Variants in CCR6 observed in about 807,000 individuals in gnomAD.
CCR6 encodes the protein C-C motif chemokine receptor 6, also known as C-C chemokine receptor type 6.
In CCR6, 2 loss-of-function variants were observed where a neutral mutation model predicts 3.0. The ratio of observed to expected loss-of-function variants is 0.66; its 90% CI spans 0.27 to 2.07. The LOEUF (loss-of-function observed/expected upper bound fraction) is 2.07, where lower values mean the gene tolerates loss of function less well. Among genes scored for constraint, CCR6 ranks in the 30% most tolerant of loss-of-function variants. The pLI is 0.14. For missense variants in CCR6, 322 were observed against 462.8 expected, an observed-to-expected ratio of 0.70 and a Z score of 2.79; for synonymous variants, 193 against 184.3, an observed-to-expected ratio of 1.05 and a Z score of -0.38.
intron 1 of CCR6, chr6:167,126,184 T>C (rs1216507107): frequency 2.0e-5 from 3 of 152,174 alleles, no homozygotes; most frequent in African/African-American, 4.8e-5. Flanking sequence ...CTGGGCAACA[T>C]AGCAAGACCC....
chr6:167,118,150 C>A (rs1781530590), upstream of CCR6, among the ~76,000 whole-genome samples: 1 of 152,066 alleles, frequency 6.6e-6, no homozygotes, highest in East Asian at 1.9e-4. Context: ...TTGCTAAGCC[C>A]CCTCTTTATG....
At chr6:167,111,896 T>G (rs1781421140) in exon 1 of CCR6, 1 of 152,302 alleles carries the variant, frequency 6.6e-6, no homozygotes, top group Non-Finnish European at 1.5e-5. Context: ...TGGTCATCAG[T>G]AAGAGAGGGC....
At chr6:167,131,329 A>C (rs1781761760) in intron 1 of CCR6, 1 of 152,274 alleles carries the variant, frequency 6.6e-6, no homozygotes, top group Non-Finnish European at 1.5e-5. Flanking sequence ...GTCACGGTGC[A>C]GTTAAACAAA....
At position 167,138,949 on chromosome 6, in the gene CCR6, A is replaced by AG; in HGVS notation, c.*1596dup. ...ATCTCAAAAAAAAAAAAAAAAAAAA[A>AG]GGAAAGAACTGTCATGTAAACATAC... On this transcript the variant is annotated 3_prime_UTR_variant, in exon 3 of 3. Coordinates refer to ENST00000341935, the MANE Select transcript of CCR6 (RefSeq NM_031409.4). The AG allele has an allele frequency of 6.6e-6, 1 of 150,474 alleles. No homozygotes were observed. The highest frequency in any genetic ancestry group is 1.5e-5 in the Non-Finnish European group (1 of 67,556). The allele number at this position is 150,474 out of a possible 1,614,324, so 9.3% of individuals were successfully genotyped here. A position where few individuals can be genotyped will look rare whatever the true frequency, so the allele number is the denominator to read the frequency against.
upstream of CCR6, among the ~76,000 whole-genome samples, chr6:167,120,633 C>T (rs1358907587): frequency 6.6e-6 from 1 of 152,126 alleles, no homozygotes; most frequent in African/African-American, 2.4e-5. Context: ...TAAAGCAACT[C>T]CTTATGACTG....
chr6:167,133,313 G>T (rs374491380), intron 1 of CCR6, among the ~76,000 whole-genome samples: 1 of 152,182 alleles, frequency 6.6e-6, no homozygotes, highest in Non-Finnish European at 1.5e-5. Context: ...TAAGCAGTAA[G>T]GATCGACTTT....
chr6:167,114,639 T>C (rs1354576982), intron 1 of CCR6, among the ~76,000 whole-genome samples: 1 of 152,246 alleles, frequency 6.6e-6, no homozygotes. Context: ...GGCCGAGGCC[T>C]GCTGTGACGG....
At chr6:167,133,384 G>A (rs922258826) in intron 1 of CCR6, among the ~76,000 whole-genome samples, 4 of 152,084 alleles carry the variant, frequency 2.6e-5, no homozygotes, top group African/African-American at 9.7e-5. Context: ...GAGTTACCTT[G>A]GCACCTAAGT....
At chr6:167,129,738 T>G (rs1460295566) in intron 1 of CCR6, among the ~76,000 whole-genome samples, 1 of 151,734 alleles carries the variant, frequency 6.6e-6, no homozygotes, top group South Asian at 2.1e-4. Context: ...GGATGAGACA[T>G]GATGAGTCTC....
At chr6:167,117,944 GTTTTTT>G (rs34732907), upstream of CCR6, among the ~76,000 whole-genome samples, 1 of 139,350 alleles carries the variant, frequency 7.2e-6, no homozygotes, top group South Asian at 2.3e-4. Flanking sequence ...GCACTTTTCT[GTTTTTT>G]TTTTTTTTTT....
At position 167,117,696 on chromosome 6, in the gene CCR6, T is replaced by A. The variant is rs142326503; in HGVS notation, c.-98+5682T>A. Among the ~76,000 whole-genome samples the A allele has an allele frequency of 4.3e-3, 657 of 152,010 alleles. 2 individuals carry two copies. The highest frequency in any genetic ancestry group is 0.033 in the East Asian group (173 of 5,166). On this transcript the variant is annotated intron_variant, in intron 1 of 2. Transcript: ENST00000400926. ...TCCCAAAGTGCTGGGATTACAGGCG[T>A]GAGCCACCGCGCCCGGCCTCTATTT...
rs1311388565 is a variant in CCR6 at position 167,138,611 on chromosome 6, C to A, written c.*1256C>A. 2.6e-5 allele frequency: 4 copies of A among 152,188 alleles called. No individual in the cohort carries two copies. Among genetic ancestry groups the A allele is most frequent in the Non-Finnish European group, 5.9e-5 (4 of 68,006 alleles). The allele number at this position is 152,188 out of a possible 1,614,324, so 9.4% of individuals were successfully genotyped here. A position where few individuals can be genotyped will look rare whatever the true frequency, so the allele number is the denominator to read the frequency against. On this transcript the variant is annotated 3_prime_UTR_variant, in exon 3 of 3. Transcript: ENST00000341935. ...ATTAGAAAAATAGCAACTTGTGTTA[C>A]AAAAATACAAACACATGTTAGGAAG... is the stretch of plus-strand genomic sequence containing the variant.
intron 1 of CCR6, chr6:167,131,341 G>A (rs3798316): frequency 0.74 from 113,108 of 152,214 alleles, 42,371 homozygotes; most frequent in East Asian, 0.85. Context: ...TTAAACAAAT[G>A]CTTACCTTAA....
chr6:167,132,927 C>T (rs1781793377), intron 1 of CCR6, among the ~76,000 whole-genome samples: 1 of 152,114 alleles, frequency 6.6e-6, no homozygotes. Context: ...CATGTATTTT[C>T]CTTGGTGAAT....
upstream of CCR6, among the ~76,000 whole-genome samples, chr6:167,120,457 A>G (rs1420026043): frequency 6.6e-6 from 1 of 152,154 alleles, no homozygotes; most frequent in Non-Finnish European, 1.5e-5. Context: ...CATGGCCTCC[A>G]GTGTGTGTGC....
chr6:167,118,254 A>G (rs936291847), upstream of CCR6, among the ~76,000 whole-genome samples: 14 of 152,338 alleles, frequency 9.2e-5, no homozygotes, highest in African/African-American at 3.1e-4. Context: ...TGTGTGAGGC[A>G]TGAACTTTGT....
chr6:167,129,530 C>T (rs942710469), intron 1 of CCR6: 3 of 152,052 alleles, frequency 2.0e-5, no homozygotes, highest in African/African-American at 7.3e-5. Context: ...CTCTATGCTC[C>T]TGGACTTCAC....
chr6:167,131,775 CTAAG>C (rs1254234064), intron 1 of CCR6, among the ~76,000 whole-genome samples: 5 of 152,180 alleles, frequency 3.3e-5, no homozygotes, highest in African/African-American at 1.2e-4. Context: ...GTTTATGGCA[CTAAG>C]TGTCTGTTCC....
intron 1 of CCR6, among the ~76,000 whole-genome samples, chr6:167,112,715 G>A (rs1043744723): frequency 3.3e-4 from 50 of 152,238 alleles, no homozygotes; most frequent in Non-Finnish European, 2.8e-4. Flanking sequence ...AGGTGAGAAG[G>A]ACATCCCAGG....
Sources: allele counts gnomAD v4.1 joint callset (sites outside exome capture counted in the v4.1 genomes callset), GRCh38; gene constraint gnomAD v4.1.1; transcripts MANE v1.5; gene names NCBI Gene and HGNC (gene_info 2026-07-23, HGNC 2026-07-21).